Variants in DLGAP1 observed in about 807,000 individuals in gnomAD.
The protein encoded by DLGAP1 is disks large-associated protein 1.
DLGAP1 carries 11 observed loss-of-function variants against 90.8 expected under a neutral mutation model. The ratio of observed to expected loss-of-function variants is 0.12; its 90% CI spans 0.08 to 0.20. The LOEUF (loss-of-function observed/expected upper bound fraction) is 0.20, where lower values mean the gene tolerates loss of function less well. DLGAP1 is among the 10% of genes least tolerant of loss of function. The pLI, the probability that DLGAP1 is intolerant of heterozygous loss-of-function variation, is 1.00. For missense variants in DLGAP1, 1,050 were observed against 1,333.8 expected (o/e 0.79, Z 3.31); for synonymous variants, 558 against 540.7 (o/e 1.03, Z -0.44).
At chr18:4,309,220 G>A (rs2080338479) in intron 1 of DLGAP1, among the ~76,000 whole-genome samples, 1 of 152,154 alleles carries the variant, frequency 6.6e-6, no homozygotes, top group African/African-American at 2.4e-5. Flanking sequence ...GTGCTTTGGG[G>A]TTCAAGGATA....
chr18:4,304,211 T>C (rs1359139369), intron 1 of DLGAP1, among the ~76,000 whole-genome samples: 2 of 152,154 alleles, frequency 1.3e-5, no homozygotes, highest in Non-Finnish European at 2.9e-5. Flanking sequence ...GTTCTGGAGA[T>C]TGATGGTGGT....
chr18:4,443,483 AG>A (rs1442530254), intron 1 of DLGAP1, among the ~76,000 whole-genome samples: 2 of 152,240 alleles, frequency 1.3e-5, no homozygotes, highest in African/African-American at 2.4e-5. Context: ...TCATAAATAT[AG>A]GGTCCTAAAC....
intron 1 of DLGAP1, among the ~76,000 whole-genome samples, chr18:4,363,512 A>G (rs898264803): frequency 5.3e-5 from 8 of 152,224 alleles, no homozygotes; most frequent in African/African-American, 1.7e-4. Context: ...CTCATCTGAC[A>G]AAGGGCTAAT....
At chr18:3,579,297 G>C (rs573487464) in intron 8 of DLGAP1, among the ~76,000 whole-genome samples, 3 of 152,298 alleles carry the variant, frequency 2.0e-5, no homozygotes, top group South Asian at 4.1e-4. Flanking sequence ...CGCAACCTCC[G>C]TCTATCGGGT....
At chr18:4,111,879 A>G (rs1196403820) in intron 2 of DLGAP1, among the ~76,000 whole-genome samples, 3 of 151,266 alleles carry the variant, frequency 2.0e-5, no homozygotes, top group African/African-American at 7.3e-5. Flanking sequence ...GATGTTTTCA[A>G]ATAATAAATT....
chr18:3,823,207 C>G (rs1040810269), intron 4 of DLGAP1, among the ~76,000 whole-genome samples: 2 of 152,184 alleles, frequency 1.3e-5, no homozygotes, highest in Non-Finnish European at 2.9e-5. Flanking sequence ...GCAAATCACA[C>G]TTCCTGGCTT....
chr18:4,161,053 G>A (rs1295695574), intron 1 of DLGAP1, among the ~76,000 whole-genome samples: 1 of 148,018 alleles, frequency 6.8e-6, no homozygotes, highest in Non-Finnish European at 1.5e-5. Context: ...TTTAATGGCT[G>A]AACAATACAT....
chr18:4,394,617 C>T (rs1274215606), intron 1 of DLGAP1, among the ~76,000 whole-genome samples: 3 of 152,040 alleles, frequency 2.0e-5, no homozygotes, highest in Non-Finnish European at 4.4e-5. Flanking sequence ...TTTATGAAAA[C>T]GTAGGTTTTA....
intron 1 of DLGAP1, among the ~76,000 whole-genome samples, chr18:4,322,161 T>C (rs921695311): frequency 1.3e-5 from 2 of 151,516 alleles, no homozygotes; most frequent in Admixed American, 6.6e-5. Context: ...GACTATGCCA[T>C]TGCACTCCAG....
chr18:4,257,973 ATGTGTGTG>A (rs10625642), intron 1 of DLGAP1, among the ~76,000 whole-genome samples: 33 of 141,358 alleles, frequency 2.3e-4, no homozygotes, highest in East Asian at 8.3e-4. Context: ...AGTTATACAT[ATGTGTGTG>A]TGTGTGTGTG....
intron 2 of DLGAP1, among the ~76,000 whole-genome samples, chr18:4,079,370 T>C (rs2075571326): frequency 1.4e-5 from 2 of 143,966 alleles, no homozygotes; most frequent in South Asian, 2.2e-4. Flanking sequence ...AAGAATAAAA[T>C]AATATCTTTT....
At chr18:4,292,266 ATT>A (rs2079868022) in intron 1 of DLGAP1, among the ~76,000 whole-genome samples, 1 of 152,162 alleles carries the variant, frequency 6.6e-6, no homozygotes, top group African/African-American at 2.4e-5. Context: ...CCACTTTATC[ATT>A]GTTTAATTTT....
chr18:4,395,261 T>G (rs2061691), intron 1 of DLGAP1, among the ~76,000 whole-genome samples: 64,543 of 152,068 alleles, frequency 0.42, 15,510 homozygotes, highest in East Asian at 0.68. Flanking sequence ...GGTATTAACT[T>G]TTATGTAATA....
chr18:4,236,189 C>T (rs571233661), intron 1 of DLGAP1, among the ~76,000 whole-genome samples: 1 of 152,226 alleles, frequency 6.6e-6, no homozygotes, highest in South Asian at 2.1e-4. Flanking sequence ...ATATTACCTG[C>T]CTCATAGGAT....
At chr18:3,585,273 A>C (rs1295473171) in intron 7 of DLGAP1, among the ~76,000 whole-genome samples, 1 of 152,200 alleles carries the variant, frequency 6.6e-6, no homozygotes, top group Admixed American at 6.5e-5. Flanking sequence ...ATCTTGCCTC[A>C]CTCAATTTAG....
intron 5 of DLGAP1, among the ~76,000 whole-genome samples, chr18:3,794,237 T>C (rs2065876505): frequency 1.3e-5 from 2 of 152,122 alleles, no homozygotes; most frequent in Non-Finnish European, 2.9e-5. Flanking sequence ...CTTTAACCCT[T>C]CTCTAACTGT....
At chr18:3,581,505 T>G (rs1378967418) in intron 8 of DLGAP1, among the ~76,000 whole-genome samples, 1 of 151,910 alleles carries the variant, frequency 6.6e-6, no homozygotes, top group East Asian at 1.9e-4. Flanking sequence ...CTGTTCTGCC[T>G]TTCCTGACAG....
intron 2 of DLGAP1, among the ~76,000 whole-genome samples, chr18:4,089,777 G>T (rs938553715): frequency 2.0e-5 from 3 of 152,232 alleles, no homozygotes; most frequent in Admixed American, 2.0e-4. Context: ...CGGGCACGGT[G>T]GCTCACGCCT....
intron 2 of DLGAP1, among the ~76,000 whole-genome samples, chr18:4,115,581 G>T (rs2144050291): frequency 6.6e-6 from 1 of 152,064 alleles, no homozygotes; most frequent in South Asian, 2.1e-4. Context: ...TGCCTCCGGG[G>T]TTCACGCCAT....
Sources: gnomAD v4.1 joint callset for allele counts (sites outside exome capture counted in the v4.1 genomes callset) on GRCh38, gnomAD v4.1.1 for gene constraint, MANE v1.5 for transcripts, NCBI Gene and HGNC (gene_info 2026-07-23, HGNC 2026-07-21) for gene names.